The following SGMS1 variants were observed in gnomAD, a reference collection of about 807,000 sequenced individuals.
SGMS1 encodes the protein sphingomyelin synthase 1.
In SGMS1, 13 loss-of-function variants were observed where a neutral mutation model predicts 46.2. That is an observed-to-expected ratio of 0.28 (90% CI 0.18 to 0.45). The LOEUF (loss-of-function observed/expected upper bound fraction) is 0.45. SGMS1 is among the 20% of genes least tolerant of loss of function. The pLI, the probability that SGMS1 is intolerant of heterozygous loss-of-function variation, is 1.00. For missense variants in SGMS1, 324 were observed against 519.9 expected (o/e 0.62, Z 3.66); for synonymous variants, 203 against 187.8 (o/e 1.08, Z -0.66).
intron 4 of SGMS1, among the ~76,000 whole-genome samples, chr10:50,465,130 G>T (rs1837314437): frequency 6.6e-6 from 1 of 152,132 alleles, no homozygotes; most frequent in Non-Finnish European, 1.5e-5. Context: ...CCATTTTGGA[G>T]AAACTGAAAG....
chr10:50,450,948 T>A (rs929804343), intron 5 of SGMS1, among the ~76,000 whole-genome samples: 3 of 151,898 alleles, frequency 2.0e-5, no homozygotes. Flanking sequence ...AGAATTTATA[T>A]TTACATTCTA....
chr10:50,622,974 G>A (rs1330207442), intron 1 of SGMS1, among the ~76,000 whole-genome samples: 2 of 152,234 alleles, frequency 1.3e-5, no homozygotes, highest in African/African-American at 2.4e-5. Context: ...GTCCTGGAGA[G>A]ACTGTCCAGT....
At chr10:50,319,225 G>A (rs978924875) in intron 8 of SGMS1, among the ~76,000 whole-genome samples, 3 of 149,476 alleles carry the variant, frequency 2.0e-5, no homozygotes, top group African/African-American at 4.9e-5. Flanking sequence ...ATGTGAAAAA[G>A]TAGCAAGTGA....
intron 3 of SGMS1, among the ~76,000 whole-genome samples, chr10:50,519,293 G>A (rs969971754): frequency 5.9e-5 from 9 of 152,114 alleles, no homozygotes; most frequent in African/African-American, 1.9e-4. Context: ...TAACTTTTAC[G>A]TTCTAGGTCA....
At chr10:50,414,992 G>A (rs553182705) in intron 6 of SGMS1, among the ~76,000 whole-genome samples, 130 of 152,322 alleles carry the variant, frequency 8.5e-4, no homozygotes, top group African/African-American at 2.9e-3. Context: ...TCTGATGCCG[G>A]CGCCTGTAGT....
At chr10:50,434,964 A>C (rs922226266) in intron 5 of SGMS1, among the ~76,000 whole-genome samples, 1 of 152,166 alleles carries the variant, frequency 6.6e-6, no homozygotes, top group South Asian at 2.1e-4. Flanking sequence ...TAATAAAGAA[A>C]GAACTTGTCA....
At chr10:50,436,143 C>T (rs1014788142) in intron 5 of SGMS1, among the ~76,000 whole-genome samples, 3 of 152,100 alleles carry the variant, frequency 2.0e-5, no homozygotes, top group South Asian at 2.1e-4. Context: ...CTCGCTCTGT[C>T]GCCCAGGCTG....
intron 6 of SGMS1, among the ~76,000 whole-genome samples, chr10:50,427,746 T>G (rs962477289): frequency 7.9e-5 from 12 of 152,156 alleles, no homozygotes; most frequent in African/African-American, 2.7e-4. Context: ...CACCATACTC[T>G]TCGATTCCTG....
At chr10:50,558,199 A>G (rs780936325) in intron 2 of SGMS1, among the ~76,000 whole-genome samples, 1 of 152,192 alleles carries the variant, frequency 6.6e-6, no homozygotes, top group African/African-American at 2.4e-5. Flanking sequence ...TGCTTCTTCA[A>G]CTGAACCCTA....
At chr10:50,317,952 T>C (rs7076545) in intron 8 of SGMS1, among the ~76,000 whole-genome samples, 3,304 of 152,078 alleles carry the variant, frequency 0.022, 107 homozygotes, top group African/African-American at 0.073. Flanking sequence ...TATAGGTGCA[T>C]GCCGCCACAC....
intron 6 of SGMS1, among the ~76,000 whole-genome samples, chr10:50,421,447 A>T (rs1849253441): frequency 6.6e-6 from 1 of 152,080 alleles, no homozygotes; most frequent in African/African-American, 2.4e-5. Context: ...AATGGCTCCC[A>T]CTGGTGGCAG....
chr10:50,546,966 T>C (rs1838106902), intron 2 of SGMS1, among the ~76,000 whole-genome samples: 1 of 152,278 alleles, frequency 6.6e-6, no homozygotes, highest in Non-Finnish European at 1.5e-5. Context: ...TTTTTAAAAC[T>C]TGGAATTTCT....
intron 7 of SGMS1, chr10:50,342,428 G>T (rs993916974): frequency 6.6e-6 from 1 of 152,092 alleles, no homozygotes; most frequent in Non-Finnish European, 1.5e-5. Flanking sequence ...AGTTAAGACC[G>T]TCCATCCCTG....
chr10:50,426,607 AT>A (rs757931975), intron 6 of SGMS1, among the ~76,000 whole-genome samples: 7 of 152,218 alleles, frequency 4.6e-5, no homozygotes, highest in Non-Finnish European at 7.3e-5. Context: ...CTGGTCCAAG[AT>A]GTGGCTTTAA....
chr10:50,436,952 T>G (rs1214873571), intron 5 of SGMS1, among the ~76,000 whole-genome samples: 1 of 152,184 alleles, frequency 6.6e-6, no homozygotes, highest in Non-Finnish European at 1.5e-5. Flanking sequence ...GCAACTAAGC[T>G]CTGAAGACCT....
intron 6 of SGMS1, among the ~76,000 whole-genome samples, chr10:50,398,076 A>C (rs927443510): frequency 6.6e-6 from 1 of 152,170 alleles, no homozygotes; most frequent in Non-Finnish European, 1.5e-5. Context: ...GTATATAGTT[A>C]ATATCATTCT....
At chr10:50,623,413 G>A (rs1047826540) in intron 1 of SGMS1, among the ~76,000 whole-genome samples, 22 of 152,126 alleles carry the variant, frequency 1.4e-4, no homozygotes, top group African/African-American at 4.3e-4. Context: ...GCCCACTGAC[G>A]CCTCCTCCTT....
At chr10:50,580,304 T>C (rs192816681) in intron 2 of SGMS1, among the ~76,000 whole-genome samples, 15 of 152,212 alleles carry the variant, frequency 9.9e-5, no homozygotes, top group Admixed American at 8.5e-4. Flanking sequence ...AAACAAAACC[T>C]ACAATTTAAA....
upstream of SGMS1, chr10:50,624,916 G>A (rs1277892282): frequency 4.0e-6 from 4 of 1,008,526 alleles, no homozygotes; most frequent in Middle Eastern, 4.4e-4. Flanking sequence ...CGGGCCCGGC[G>A]TACCACGTGA....
Sources: gnomAD v4.1 joint callset for allele counts (sites outside exome capture counted in the v4.1 genomes callset) on GRCh38, gnomAD v4.1.1 for gene constraint, MANE v1.5 for transcripts, NCBI Gene and HGNC (gene_info 2026-07-23, HGNC 2026-07-21) for gene names.